The following ACACB variants were observed in gnomAD, a reference collection of about 807,000 sequenced individuals.
The protein encoded by ACACB is acetyl-CoA carboxylase beta, also known as acetyl-CoA carboxylase 2.
A neutral mutation model predicts 278.8 loss-of-function variants in ACACB; 209 were observed. The ratio of observed to expected loss-of-function variants is 0.75; its 90% CI spans 0.67 to 0.84. The LOEUF is 0.84. Among genes scored for constraint, ACACB ranks in the 40% least tolerant of loss-of-function variants. The probability of loss-of-function intolerance (pLI) is 0.00; values close to 1 mark genes in which losing one functional copy is unlikely to be tolerated. For missense variants in ACACB, 2,850 were observed against 3,269.0 expected, an observed-to-expected ratio of 0.87 and a Z score of 3.13; for synonymous variants, 1,174 against 1,285.6, an observed-to-expected ratio of 0.91 and a Z score of 1.86.
rs141067299 is a variant in ACACB at position 109,167,088 on chromosome 12, T to A, written c.786+95T>A. On this transcript the variant is annotated intron_variant, in intron 3 of 52. Coordinates refer to ENST00000338432, the MANE Select transcript of ACACB (RefSeq NM_001093.4). The stretch of plus-strand genomic sequence containing the variant: ...GTGGGAGATTCGGGTTCAGGCTCAT[T>A]CTGCCTGCTGCAGAGAGGGGGTGAG... 2.3e-3 allele frequency: 3,505 copies of A among 1,555,138 alleles called. 62 individuals are homozygous for A. In the African/African-American group the frequency reaches 0.04, roughly 18 times the overall value.
Position 109,241,301 on chromosome 12 carries a change from T to TG in ACACB, c.5022+25dup, listed in dbSNP as rs763644305. 8.7e-6 allele frequency: 14 copies of TG among 1,611,582 alleles called. No homozygotes were observed. Among genetic ancestry groups the TG allele is most frequent in the Non-Finnish European group, 1.2e-5 (14 of 1,178,056 alleles). On this transcript the variant is annotated intron_variant, in intron 36 of 52. Coordinates refer to ENST00000338432, the MANE Select transcript of ACACB (RefSeq NM_001093.4). ...GGAAATGTAAGGCTGGCCCGCGCCG[T>TG]GGGGGTCTAAGTCAAAGCAGAAGCA...
intron 2 of ACACB, chr12:109,154,583 G>A (rs1355622666): frequency 6.6e-6 from 1 of 152,108 alleles, no homozygotes; most frequent in Non-Finnish European, 1.5e-5. Flanking sequence ...GGCTCCGTCC[G>A]GAAGGCGGGG....
intron 34 of ACACB, among the ~76,000 whole-genome samples, chr12:109,238,468 TATA>T (rs1047645911): frequency 7.9e-5 from 8 of 101,240 alleles, no homozygotes; most frequent in African/African-American, 1.9e-4. Context: ...TAATATAATA[TATA>T]ATATGTTATA....
At chr12:109,162,151 G>GT (rs929919158) in intron 2 of ACACB, among the ~76,000 whole-genome samples, 2 of 151,832 alleles carry the variant, frequency 1.3e-5, no homozygotes, top group African/African-American at 2.4e-5. Context: ...TACTTTTTGT[G>GT]TTTTTTTAGT....
intron 4 of ACACB, 136 bp from the exon 5 acceptor site, chr12:109,171,669 C>A: frequency 1.5e-6 from 1 of 664,906 alleles, no homozygotes; most frequent in Non-Finnish European, 2.6e-6. Flanking sequence ...CATTTTCATA[C>A]ATGTTTGTCC....
At position 109,259,108 on chromosome 12, in the gene ACACB, G is replaced by A. The variant is rs778025671; in HGVS notation, c.6496G>A (p.Asp2166Asn). 3 of 1,613,776 alleles carry A rather than the reference G, an allele frequency of 1.9e-6. No individual in the cohort carries two copies. The highest frequency in any genetic ancestry group is 2.7e-5 in the African/African-American group (2 of 74,914). Residue 2166 changes from aspartate (D) to asparagine (N), a missense_variant and splice_region_variant, in exon 47 of 53, where the codon GAC (aspartate) becomes AAC (asparagine). Physicochemically the swap from Asp to Asn is conservative, Grantham distance 23 (BLOSUM62 1). This residue lies in a region of ACACB where 579 missense variants were observed against 684.6 expected (regional missense o/e 0.85). Transcript: ENST00000338432. ...NWRGFSGGMK[D>N]MYDQVLKFGA... is the part of the protein sequence containing the mutation. ...GAGGGGGTTCTCCGGTGGCATGAAA[G>A]GTAAGCCCCTCCCTGCCTATGTTAC...
intron 2 of ACACB, among the ~76,000 whole-genome samples, chr12:109,166,372 G>T (rs1236690355): frequency 6.6e-6 from 1 of 152,014 alleles, no homozygotes; most frequent in Admixed American, 6.6e-5. Flanking sequence ...TAGTTCATGT[G>T]CTGGTACCTT....
At chr12:109,202,456 T>C (rs554668138) in intron 19 of ACACB, among the ~76,000 whole-genome samples, 2 of 152,136 alleles carry the variant, frequency 1.3e-5, no homozygotes, top group South Asian at 2.1e-4. Context: ...CTGGGGATTA[T>C]AGGTGTGTAC....
intron 9 of ACACB, 50 bp from the exon 10 acceptor site, chr12:109,179,038 C>T (rs201044614): frequency 1.3e-6 from 2 of 1,562,344 alleles, no homozygotes; most frequent in Admixed American, 1.8e-5. Flanking sequence ...CCAGAAGCTT[C>T]CAGAGCTGGT....
chr12:109,221,305 G>A (rs1203600044), intron 24 of ACACB, among the ~76,000 whole-genome samples: 1 of 152,186 alleles, frequency 6.6e-6, no homozygotes, highest in African/African-American at 2.4e-5. Flanking sequence ...GTGACCTCTT[G>A]AAGACCAGTC....
chr12:109,226,871 C>A (rs1297181568), intron 27 of ACACB, among the ~76,000 whole-genome samples: 2 of 152,076 alleles, frequency 1.3e-5, no homozygotes, highest in Non-Finnish European at 2.9e-5. Context: ...AACCCCTGCT[C>A]TAGAGTTTAG....
intron 41 of ACACB, among the ~76,000 whole-genome samples, chr12:109,250,733 G>C (rs2047072999): frequency 1.3e-5 from 2 of 152,172 alleles, no homozygotes; most frequent in African/African-American, 4.8e-5. Flanking sequence ...AGTAGTGTTT[G>C]TGGTGGTGAA....
chr12:109,120,958 G>A (rs1195587947), intron 1 of ACACB, among the ~76,000 whole-genome samples: 2 of 151,970 alleles, frequency 1.3e-5, no homozygotes, highest in South Asian at 2.1e-4. Context: ...TTATTTTTTT[G>A]AGACATAGTC....
At chr12:109,147,646 G>T (rs1162220996) in intron 2 of ACACB, among the ~76,000 whole-genome samples, 1 of 152,056 alleles carries the variant, frequency 6.6e-6, no homozygotes, top group African/African-American at 2.4e-5. Context: ...TAGTTATAGT[G>T]GTCTCTGTTT....
chr12:109,251,962 C>A, intron 41 of ACACB, 84 bp from the exon 42 acceptor site: 2 of 1,020,976 alleles, frequency 2.0e-6, no homozygotes, highest in Non-Finnish European at 2.8e-6. Context: ...CATTTGGTCC[C>A]AGCAGGTTCC....
At chr12:109,263,199 C>T (rs542870304) in intron 49 of ACACB, 1 of 151,416 alleles carries the variant, frequency 6.6e-6, no homozygotes, top group South Asian at 2.1e-4. Flanking sequence ...ATTTTTGAGA[C>T]AGAGTCTTGC....
At chr12:109,169,644 C>A (rs1041400260) in intron 4 of ACACB, among the ~76,000 whole-genome samples, 4 of 152,152 alleles carry the variant, frequency 2.6e-5, no homozygotes, top group African/African-American at 9.7e-5. Context: ...TCTCCCAGAG[C>A]CCTTTGTGCA....
chr12:109,145,645 C>G (rs969323495), intron 2 of ACACB, among the ~76,000 whole-genome samples: 1 of 152,142 alleles, frequency 6.6e-6, no homozygotes, highest in African/African-American at 2.4e-5. Context: ...CCCAAAAAGG[C>G]AAATACAGTG....
At chr12:109,167,621 G>GTATATATATATATAGATATATATA (rs2043956268) in intron 3 of ACACB, among the ~76,000 whole-genome samples, 1 of 77,528 alleles carries the variant, frequency 1.3e-5, no homozygotes, top group African/African-American at 5.1e-5. Flanking sequence ...ATATGTATGT[G>GTATATATATATATAGATATATATA]TATATATATA....
Sources: gnomAD v4.1 joint callset for allele counts (sites outside exome capture counted in the v4.1 genomes callset) on GRCh38, gnomAD v4.1.1 for gene constraint, gnomAD v4.1.1 regional missense constraint, MANE v1.5 for transcripts, NCBI Gene and HGNC (gene_info 2026-07-23, HGNC 2026-07-21) for gene names.